CATSPERD: variants seen among roughly 807,000 people sequenced by gnomAD.
CATSPERD encodes cation channel sperm-associated auxiliary subunit delta.
Under a neutral mutation model 98.1 loss-of-function variants are expected in CATSPERD, and 86 were observed. The ratio of observed to expected loss-of-function variants is 0.88; its 90% CI spans 0.74 to 1.05. CATSPERD has a LOEUF of 1.05. CATSPERD is among the 50% of genes least tolerant of loss of function. The pLI is 0.00. For synonymous variants in CATSPERD, 394 were observed against 390.2 expected, an observed-to-expected ratio of 1.01 and a Z score of -0.12; for missense variants, 995 against 1,005.7, an observed-to-expected ratio of 0.99 and a Z score of 0.14.
At chr19:5,743,683 C>G (rs1599541258) in intron 7 of CATSPERD, among the ~76,000 whole-genome samples, 4 of 144,098 alleles carry the variant, frequency 2.8e-5, no homozygotes, top group Admixed American at 1.4e-4. Context: ...TCTCTCTCTT[C>G]CTCTCTCTCT....
chr19:5,762,058 A>ATATATATATATATATATATTTTT, intron 15 of CATSPERD, among the ~76,000 whole-genome samples: 9 of 10,432 alleles, frequency 8.6e-4, no homozygotes, highest in Non-Finnish European at 1.3e-3. Context: ...ATATATATAT[A>ATATATATATATATATATATTTTT]TTTTTTTTTT....
chr19:5,725,229 G>A (rs977579421), intron 2 of CATSPERD, among the ~76,000 whole-genome samples: 3 of 152,080 alleles, frequency 2.0e-5, no homozygotes, highest in Admixed American at 6.6e-5. Flanking sequence ...TCGGCTCACC[G>A]CAACCTCTGC....
At chr19:5,729,299 C>T (rs2055669789) in intron 3 of CATSPERD, among the ~76,000 whole-genome samples, 2 of 151,990 alleles carry the variant, frequency 1.3e-5, no homozygotes, top group Non-Finnish European at 2.9e-5. Flanking sequence ...GGGGTTTCAA[C>T]ATGTTGGCCA....
Position 5,729,940 on chromosome 19 carries a change from T to A in CATSPERD, c.272T>A (p.Met91Lys). The change falls in exon 4 of 22, where the codon ATG becomes AAG. Residue 91 changes from methionine (M) to lysine (K), a missense_variant. Around this residue, in one of 3 missense-constraint regions of CATSPERD, gnomAD observed 228 missense variants for 209.6 expected, o/e 1.09. Transcript: ENST00000381624. Reference protein sequence around the residue: ...SLLPFTIPTSMQVGVPEVTSA... With the variant: ...SLLPFTIPTSKQVGVPEVTSA... ...CTTCCATTTACCATCCCTACATCAA[T>A]GCAGGTAGTTATTTTACTGAGTGAT... 6.4e-7 allele frequency: 1 copy of A among 1,564,166 alleles called. No individual in the cohort carries two copies. The highest frequency in any genetic ancestry group is 8.8e-7 in the Non-Finnish European group (1 of 1,138,768).
intron 4 of CATSPERD, among the ~76,000 whole-genome samples, chr19:5,731,137 CA>C (rs1223255632): frequency 6.6e-6 from 1 of 150,538 alleles, no homozygotes. Flanking sequence ...TAAACCAAAG[CA>C]CACCCTTAGT....
At chr19:5,732,387 T>A (rs1311690771) in intron 4 of CATSPERD, among the ~76,000 whole-genome samples, 1 of 152,192 alleles carries the variant, frequency 6.6e-6, no homozygotes, top group East Asian at 1.9e-4. Flanking sequence ...TCTCAGTATC[T>A]AAGAACCAAC....
chr19:5,772,394 AT>A (rs1394272386), intron 19 of CATSPERD: 28 of 251,980 alleles, frequency 1.1e-4, no homozygotes, highest in South Asian at 2.1e-4. Context: ...CGCCCGGCTA[AT>A]TTTTTTTATT....
Position 5,733,897 on chromosome 19 carries a change from G to A in CATSPERD, c.318G>A (p.Ser106=), listed in dbSNP as rs73544759. ...PEVTSAHFAG[S]LLLLVVDQKV... ...TGACATCAGCACATTTTGCTGGTTC[G>A]TTATTGCTGTTAGTAGTGGATCAAA... The change falls in exon 5 of 22, where the codon TCG becomes TCA. Residue 106 remains serine, a synonymous_variant. Coordinates refer to ENST00000381624, the MANE Select transcript of CATSPERD (RefSeq NM_152784.4). 5.4e-5 allele frequency: 87 copies of A among 1,612,816 alleles called. No individual in the cohort carries two copies. The highest frequency in any genetic ancestry group is 1.2e-4 in the African/African-American group (9 of 74,774).
chr19:5,751,884 T>G, intron 12 of CATSPERD, 61 bp downstream of exon 12: 1 of 1,481,176 alleles, frequency 6.8e-7, no homozygotes, highest in Non-Finnish European at 9.2e-7. Context: ...AAATTCAACC[T>G]GGGCATGGTG....
intron 13 of CATSPERD, 140 bp from the exon 14 acceptor site, chr19:5,757,700 CAAA>C (rs1022779598): frequency 3.9e-5 from 21 of 540,482 alleles, no homozygotes; most frequent in Non-Finnish European, 5.1e-5. Context: ...CTTGGTCTCC[CAAA>C]GTGCTGGGAT....
chr19:5,746,072 A>G lies in CATSPERD; in HGVS notation c.808+9A>G, dbSNP rs1223573171. 6.2e-7 allele frequency: 1 copy of G among 1,612,666 alleles called. No individual in the cohort carries two copies. Among genetic ancestry groups the G allele is most frequent in the African/African-American group, 1.3e-5 (1 of 74,966 alleles). On this transcript the variant is annotated intron_variant, in intron 9 of 21. Coordinates refer to ENST00000381624, the MANE Select transcript of CATSPERD (RefSeq NM_152784.4). ...GTTTTCCCATAATGCAGGTGAGCCC[A>G]GGGGCCCAGGGTGGGGCTGCCGCCT...
At position 5,749,696 on chromosome 19, in the gene CATSPERD, T is replaced by C. The variant is rs989610843; in HGVS notation, c.987+513T>C. ...CCTCATATCGTCCCTATTTGACAGA[T>C]GGAAAAACTGAGGCACAGAGACCTA... On this transcript the variant is annotated intron_variant, in intron 11 of 21. Transcript: ENST00000381624. 3.3e-5 allele frequency among the ~76,000 whole-genome samples: 5 copies of C among 152,184 alleles called. No individual in the cohort carries two copies. The East Asian group carries it at 9.7e-4, about 29-fold the overall frequency.
chr19:5,768,572 G>C (rs557692143), intron 18 of CATSPERD, among the ~76,000 whole-genome samples: 20 of 151,892 alleles, frequency 1.3e-4, no homozygotes, highest in African/African-American at 4.6e-4. Flanking sequence ...TCCTGATCTC[G>C]TGATCCGCCC....
At chr19:5,753,281 G>GC (rs1400712763) in intron 12 of CATSPERD, among the ~76,000 whole-genome samples, 6 of 151,748 alleles carry the variant, frequency 4.0e-5, no homozygotes, top group African/African-American at 1.2e-4. Context: ...GAAAGAGGGG[G>GC]CGGGCGCGGT....
intron 7 of CATSPERD, among the ~76,000 whole-genome samples, chr19:5,743,655 TCTCTCTCTCTTC>T (rs1163219816): frequency 6.9e-6 from 1 of 145,714 alleles, no homozygotes; most frequent in South Asian, 2.2e-4. Flanking sequence ...TCTGTCTCTC[TCTCTCTCTCTTC>T]CTCTCTCTCT....
intron 2 of CATSPERD, 63 bp downstream of exon 2, chr19:5,724,925 A>T: frequency 6.7e-7 from 1 of 1,482,314 alleles, no homozygotes. Flanking sequence ...CAGAGGTAAC[A>T]CTTCCTGGTA....
intron 10 of CATSPERD, among the ~76,000 whole-genome samples, chr19:5,748,721 T>C (rs1335563338): frequency 8.7e-6 from 1 of 115,094 alleles, no homozygotes; most frequent in Non-Finnish European, 1.8e-5. Flanking sequence ...ATAGCTGTCA[T>C]ATTATTCTTT....
intron 16 of CATSPERD, among the ~76,000 whole-genome samples, chr19:5,765,350 A>G (rs1237777429): frequency 6.6e-6 from 1 of 151,762 alleles, no homozygotes; most frequent in African/African-American, 2.4e-5. Flanking sequence ...GTAACCCCCA[A>G]TTGCTCTCTC....
chr19:5,765,596 G>A (rs922652924), intron 16 of CATSPERD, among the ~76,000 whole-genome samples: 2 of 151,878 alleles, frequency 1.3e-5, no homozygotes, highest in African/African-American at 4.8e-5. Flanking sequence ...TGGATCACCT[G>A]AGGTCAAGAG....
Sources: allele counts gnomAD v4.1 joint callset (sites outside exome capture counted in the v4.1 genomes callset), GRCh38; gene constraint gnomAD v4.1.1; regional missense constraint gnomAD v4.1.1; transcripts MANE v1.5; gene names NCBI Gene and HGNC (gene_info 2026-07-23, HGNC 2026-07-21).